The following PXK variants were observed in gnomAD, a reference collection of about 807,000 sequenced individuals.
PXK encodes the protein PX domain-containing protein kinase-like protein.
A neutral mutation model predicts 84.7 loss-of-function variants in PXK; 35 were observed. The ratio of observed to expected loss-of-function variants is 0.41; its 90% CI spans 0.32 to 0.55. PXK has a LOEUF of 0.55. PXK is among the 20% of genes least tolerant of loss of function. The pLI is 0.21. For missense variants in PXK, 634 were observed against 699.7 expected (o/e 0.91, Z 1.06); for synonymous variants, 253 against 260.8 (o/e 0.97, Z 0.29).
rs1040175758 is a variant in PXK, at chr3:58,426,092, A to G, written c.*1132A>G. The stretch of plus-strand genomic sequence containing the variant: ...TTGTAGCGTCTGTTGTTAGCAAAGA[A>G]TAGATTCACACAGTCTAAGGTTTCC... On this transcript the variant is annotated 3_prime_UTR_variant, in exon 18 of 18. Transcript: ENST00000356151. 1.3e-5 allele frequency: 2 copies of G among 152,224 alleles called. No individual in the cohort carries two copies. The highest frequency in any genetic ancestry group is 2.9e-5 in the Non-Finnish European group (2 of 68,034). 9.4% of individuals were successfully genotyped at this position (152,224 alleles called of 1,614,324 possible). A position where few individuals can be genotyped will look rare whatever the true frequency, so the allele number is the denominator to read the frequency against.
intron 3 of PXK, among the ~76,000 whole-genome samples, chr3:58,378,612 G>A (rs2098468524): frequency 2.1e-5 from 3 of 141,520 alleles, no homozygotes; most frequent in South Asian, 4.9e-4. Flanking sequence ...TCAGCTCACC[G>A]CAACCTCTGC....
intron 17 of PXK, chr3:58,422,527 A>G (rs1264399417): frequency 2.0e-6 from 2 of 985,218 alleles, no homozygotes; most frequent in African/African-American, 1.7e-5. Context: ...TACATTTTCA[A>G]AGAGACTCAT....
intron 3 of PXK, among the ~76,000 whole-genome samples, chr3:58,381,303 A>T (rs1315750686): frequency 6.6e-6 from 1 of 151,638 alleles, no homozygotes. Context: ...AAACAAGGGA[A>T]TTATGTACAA....
rs1166714149 is a variant in PXK at position 58,332,954 on chromosome 3, C to T, written c.-35C>T. ...GAGTCGGCGCCTCGGGTTCCTACCT[C>T]GCGTCCCTAGGCGGCGGCGGCCGGG... On this transcript the variant is annotated 5_prime_UTR_variant, in exon 1 of 18. Transcript: ENST00000356151. This position sits in a 1 kb window ranked among gnomAD's most constrained non-coding sequence, Gnocchi z 5.6. The T allele has an allele frequency of 1.5e-6, 2 of 1,310,208 alleles. No homozygotes were observed. Among genetic ancestry groups the T allele is most frequent in the African/African-American group, 1.6e-5 (1 of 64,142 alleles). 81.2% of individuals were successfully genotyped at this position (1,310,208 alleles called of 1,614,324 possible).
At position 58,386,290 on chromosome 3, in the gene PXK, CTTTTTTTT is replaced by C. The variant is rs752411806; in HGVS notation, c.388+3606_388+3613del. 6.4e-4 allele frequency among the ~76,000 whole-genome samples: 53 copies of C among 82,266 alleles called. 1 individual carries two copies. The highest frequency in any genetic ancestry group is 1.0e-3 in the African/African-American group (21 of 20,524). The allele number at this position is 82,266 out of a possible 152,430, so 54.0% of individuals were successfully genotyped here. On this transcript the variant is annotated intron_variant, in intron 4 of 17. Coordinates refer to ENST00000356151, the MANE Select transcript of PXK (RefSeq NM_017771.5). The stretch of plus-strand genomic sequence containing the variant: ...CTATCTCACACATATATCCCCCTTA[CTTTTTTTT>C]TTTTTTTTTTTTTTTGAGACAGAAT...
rs2097540436 is a variant in PXK, at chr3:58,333,806, G to C, written c.102+716G>C. 6.6e-6 allele frequency among the ~76,000 whole-genome samples: 1 copy of C among 152,036 alleles called. No homozygotes were observed. ...AGGTCCTCATAGTAAACATTGGCAG[G>C]GTTCATTTCTGCTACATATACGGTC... On this transcript the variant is annotated intron_variant, in intron 1 of 17. Coordinates refer to ENST00000356151, the MANE Select transcript of PXK (RefSeq NM_017771.5). The surrounding 1 kb of genome is among the most constrained non-coding windows in gnomAD (Gnocchi z 5.4).
rs868570556 is a variant in PXK, at chr3:58,382,549, A to T, written c.237A>T (p.Lys79Asn). 1.3e-6 allele frequency: 2 copies of T among 1,589,036 alleles called. No individual in the cohort carries two copies. Among genetic ancestry groups the T allele is most frequent in the Non-Finnish European group, 8.5e-7 (1 of 1,172,072 alleles). ...TAAGTCTACCTCTTCCTCCCAAAAA[A>T]TTGATTGGTAACATGGATCGTGAAT... The part of the protein sequence containing the change: ...AGLSLPLPPK[K>N]LIGNMDREFI... Residue 79 changes from lysine (K) to asparagine (N), a missense_variant, in exon 4 of 18, where the codon AAA becomes AAT. Lys to Asn is a moderately conservative substitution (Grantham distance 94). This residue lies in a region of PXK where 353 missense variants were observed against 385.2 expected (regional missense o/e 0.92). Coordinates refer to ENST00000356151, the MANE Select transcript of PXK (RefSeq NM_017771.5).
intron 1 of PXK, among the ~76,000 whole-genome samples, chr3:58,353,933 T>G (rs2098003330): frequency 6.6e-6 from 1 of 152,122 alleles, no homozygotes; most frequent in South Asian, 2.1e-4. Context: ...CCATGGAAGG[T>G]CCTGGAGCAG....
At chr3:58,420,520 T>C in intron 17 of PXK, 1 of 1,535,920 alleles carries the variant, frequency 6.5e-7, no homozygotes, top group Non-Finnish European at 8.7e-7. Flanking sequence ...TCTCTCTCTC[T>C]CTTTGCTGTT....
chr3:58,395,854 A>C, intron 9 of PXK, 95 bp downstream of exon 9: 1 of 997,640 alleles, frequency 1.0e-6, no homozygotes, highest in Middle Eastern at 2.2e-4. Context: ...AAATTACTTA[A>C]GTTGTCTGAT....
chr3:58,347,788 A>G (rs2097849612), intron 1 of PXK, among the ~76,000 whole-genome samples: 1 of 152,220 alleles, frequency 6.6e-6, no homozygotes, highest in Non-Finnish European at 1.5e-5. Context: ...GAAATTGCCA[A>G]ACTTTTCTAG....
At chr3:58,419,125 C>T (rs1418953854) in intron 17 of PXK, among the ~76,000 whole-genome samples, 3 of 152,138 alleles carry the variant, frequency 2.0e-5, no homozygotes, top group Non-Finnish European at 4.4e-5. Context: ...AGTGGGGAAA[C>T]CCAGCAAGTC....
intron 4 of PXK, among the ~76,000 whole-genome samples, chr3:58,387,555 T>G (rs2106695829): frequency 6.6e-6 from 1 of 152,090 alleles, no homozygotes; most frequent in East Asian, 1.9e-4. Context: ...ACACCTAAAG[T>G]TGAAGGAAGG....
chr3:58,384,612 C>T (rs1470800809), intron 4 of PXK, among the ~76,000 whole-genome samples: 1 of 152,098 alleles, frequency 6.6e-6, no homozygotes, highest in East Asian at 1.9e-4. Flanking sequence ...TTGATTGTTC[C>T]CAAAATTGTC....
chr3:58,409,122 G>T lies in PXK; in HGVS notation c.1308+121G>T. The T allele has an allele frequency of 1.3e-6, 1 of 759,966 alleles. No homozygotes were observed. The allele number at this position is 759,966 out of a possible 1,614,324, so 47.1% of individuals were successfully genotyped here. On this transcript the variant is annotated intron_variant, in intron 14 of 17. Transcript: ENST00000356151. The surrounding 1 kb of genome is among the most constrained non-coding windows in gnomAD (Gnocchi z 4.2). The stretch of plus-strand genomic sequence containing the variant: ...TTTTAAGCATACTTACTCTCAGCCA[G>T]CCTTTAGGCTAAATGCTTCCCTGCA...
chr3:58,390,479 A>G lies in PXK; in HGVS notation c.389-103A>G. 1.5e-6 allele frequency: 1 copy of G among 668,120 alleles called. No individual in the cohort carries two copies. The highest frequency in any genetic ancestry group is 2.2e-6 in the Non-Finnish European group (1 of 447,308). 41.4% of individuals were successfully genotyped at this position (668,120 alleles called of 1,614,324 possible). ...TTTTTTTGGTAATTAAGTTTTTTAAAAAGGTCATAGACTATAGGGATTTCA... is the reference window on the plus strand; with the variant it reads ...TTTTTTTGGTAATTAAGTTTTTTAAGAAGGTCATAGACTATAGGGATTTCA... On this transcript the variant is annotated intron_variant, in intron 4 of 17. Coordinates refer to ENST00000356151, the MANE Select transcript of PXK (RefSeq NM_017771.5). The surrounding 1 kb of genome is among the most constrained non-coding windows in gnomAD (Gnocchi z 4.2).
chr3:58,376,146 G>T (rs1291220834), intron 3 of PXK, among the ~76,000 whole-genome samples: 1 of 152,194 alleles, frequency 6.6e-6, no homozygotes. Context: ...CGGGCGTGGT[G>T]GCTCACGCCT....
intron 3 of PXK, among the ~76,000 whole-genome samples, chr3:58,374,353 A>G (rs1285398615): frequency 6.6e-6 from 1 of 151,882 alleles, no homozygotes; most frequent in Non-Finnish European, 1.5e-5. Flanking sequence ...TTGTATCTTC[A>G]GTAGAGATGG....
At chr3:58,403,261 T>G (rs1425256697) in intron 12 of PXK, among the ~76,000 whole-genome samples, 1 of 152,124 alleles carries the variant, frequency 6.6e-6, no homozygotes, top group East Asian at 1.9e-4. Flanking sequence ...TGCCTCAGCC[T>G]CACAAAGTGC....
Sources: gnomAD v4.1 joint callset for allele counts (sites outside exome capture counted in the v4.1 genomes callset) on GRCh38, gnomAD v4.1.1 for gene constraint, gnomAD v4.1.1 regional missense constraint, Gnocchi (gnomAD v3.1) non-coding constraint, MANE v1.5 for transcripts, NCBI Gene and HGNC (gene_info 2026-07-23, HGNC 2026-07-21) for gene names.